The following PARD3 variants were observed in gnomAD, a reference collection of about 807,000 sequenced individuals.
PARD3 encodes the protein par-3 family cell polarity regulator, also known as partitioning defective 3 homolog.
Under a neutral mutation model 155.4 loss-of-function variants are expected in PARD3, and 75 were observed. The ratio of observed to expected loss-of-function variants is 0.48; its 90% CI spans 0.40 to 0.58. PARD3 has a LOEUF of 0.58. Ranked by LOEUF, PARD3 falls within the 20% of genes least tolerant of loss-of-function variation. PARD3 has a pLI of 0.00. For synonymous variants in PARD3, 576 were observed against 610.5 expected, an observed-to-expected ratio of 0.94 and a Z score of 0.83; for missense variants, 1,642 against 1,721.7, an observed-to-expected ratio of 0.95 and a Z score of 0.82.
chr10:34,391,256 G>A (rs1284919498), intron 7 of PARD3, among the ~76,000 whole-genome samples: 1 of 150,780 alleles, frequency 6.6e-6, no homozygotes, highest in Non-Finnish European at 1.5e-5. Flanking sequence ...GTTGGTAAAT[G>A]CTAACTGTCC....
chr10:34,554,979 G>A (rs2084873027), intron 2 of PARD3, among the ~76,000 whole-genome samples: 5 of 152,302 alleles, frequency 3.3e-5, no homozygotes, highest in African/African-American at 1.2e-4. Flanking sequence ...GGGATGGAGG[G>A]ATGAATGCAC....
chr10:34,729,103 T>A (rs1402267930), intron 1 of PARD3, among the ~76,000 whole-genome samples: 3 of 152,174 alleles, frequency 2.0e-5, no homozygotes, highest in Non-Finnish European at 4.4e-5. Context: ...CCTAGGTTTG[T>A]GTAAGTTCAC....
intron 2 of PARD3, among the ~76,000 whole-genome samples, chr10:34,687,773 T>C (rs2093975032): frequency 2.0e-5 from 3 of 150,904 alleles, no homozygotes; most frequent in African/African-American, 7.3e-5. Context: ...TTTCTCCCTG[T>C]TGATCATCCA....
At chr10:34,682,366 A>G (rs1449690714) in intron 2 of PARD3, among the ~76,000 whole-genome samples, 1 of 149,070 alleles carries the variant, frequency 6.7e-6, no homozygotes, top group African/African-American at 2.6e-5. Context: ...TTGCCTTAAT[A>G]ATGTATTGAG....
At chr10:34,627,440 GATTA>G (rs918288073) in intron 2 of PARD3, among the ~76,000 whole-genome samples, 12 of 152,240 alleles carry the variant, frequency 7.9e-5, no homozygotes, top group South Asian at 4.1e-4. Flanking sequence ...ATCTTTATTG[GATTA>G]ATTAAGTTAA....
chr10:34,542,768 T>C (rs1050020222), intron 2 of PARD3, among the ~76,000 whole-genome samples: 13 of 152,166 alleles, frequency 8.5e-5, no homozygotes, highest in Admixed American at 7.9e-4. Context: ...AAAAAAAGCA[T>C]AAAGCATTGT....
intron 5 of PARD3, among the ~76,000 whole-genome samples, chr10:34,419,856 C>A (rs1365482630): frequency 6.6e-6 from 1 of 152,154 alleles, no homozygotes; most frequent in African/African-American, 2.4e-5. Context: ...TTAAAACATA[C>A]AAATTACGTA....
intron 13 of PARD3, 110 bp from the exon 14 acceptor site, chr10:34,359,427 T>C (rs1281781511): frequency 1.3e-6 from 1 of 746,080 alleles, no homozygotes; most frequent in Admixed American, 2.9e-5. Context: ...AAAAAAAAAG[T>C]GGGGAGCTTT....
intron 20 of PARD3, among the ~76,000 whole-genome samples, chr10:34,284,816 T>A (rs1956309579): frequency 6.6e-6 from 1 of 152,196 alleles, no homozygotes; most frequent in Non-Finnish European, 1.5e-5. Context: ...GGTATTCTCA[T>A]CAAATACTCT....
intron 14 of PARD3, among the ~76,000 whole-genome samples, chr10:34,358,546 G>C (rs990505350): frequency 4.6e-5 from 7 of 152,076 alleles, no homozygotes; most frequent in Non-Finnish European, 1.0e-4. Context: ...CCAGACTGTG[G>C]GCCAGGTGCT....
intron 1 of PARD3, among the ~76,000 whole-genome samples, chr10:34,759,880 T>C (rs1333808003): frequency 6.6e-6 from 1 of 152,256 alleles, no homozygotes; most frequent in Admixed American, 6.5e-5. Context: ...CTGCACATAC[T>C]GCTGCGCTTT....
At chr10:34,404,965 G>A (rs1022916959) in intron 5 of PARD3, among the ~76,000 whole-genome samples, 3 of 151,784 alleles carry the variant, frequency 2.0e-5, no homozygotes, top group African/African-American at 4.8e-5. Flanking sequence ...CCAACTACTG[G>A]GAAGGCTGAA....
intron 2 of PARD3, among the ~76,000 whole-genome samples, chr10:34,649,720 A>G (rs2133039720): frequency 6.6e-6 from 1 of 152,362 alleles, no homozygotes; most frequent in Non-Finnish European, 1.5e-5. Context: ...TCTTTCTTCC[A>G]CAATAAATTA....
chr10:34,669,826 G>C (rs540679182), intron 2 of PARD3, among the ~76,000 whole-genome samples: 1 of 152,092 alleles, frequency 6.6e-6, no homozygotes, highest in South Asian at 2.1e-4. Context: ...CTCTAACATA[G>C]GTACAAAAAC....
intron 1 of PARD3, among the ~76,000 whole-genome samples, chr10:34,779,332 G>C (rs1007089982): frequency 1.3e-5 from 2 of 149,488 alleles, no homozygotes; most frequent in South Asian, 2.1e-4. Context: ...TAAAGCAGCC[G>C]GGCGCGGTGG....
At chr10:34,797,223 T>C (rs1842364461) in intron 1 of PARD3, among the ~76,000 whole-genome samples, 1 of 152,186 alleles carries the variant, frequency 6.6e-6, no homozygotes, top group African/African-American at 2.4e-5. Context: ...CAACCATAAC[T>C]GACTGCATCC....
Position 34,730,642 on chromosome 10 carries a change from A to T in PARD3, c.121-34223T>A, listed in dbSNP as rs530169663. ...CTACAAAAAAATTTAAAAATTAGCCATGTGTGATGATGCATGCCTGTAGTC... is the reference window on the plus strand; with the variant it reads ...CTACAAAAAAATTTAAAAATTAGCCTTGTGTGATGATGCATGCCTGTAGTC... On this transcript the variant is annotated intron_variant, in intron 1 of 24. Transcript: ENST00000374788. Among the ~76,000 whole-genome samples, 65 of 152,232 alleles carry T rather than the reference A, an allele frequency of 4.3e-4. 1 individual carries two copies. The highest frequency in any genetic ancestry group is 6.8e-4 in the Non-Finnish European group (46 of 68,014).
At chr10:34,343,385 T>C (rs889782193) in intron 15 of PARD3, 5 of 983,602 alleles carry the variant, frequency 5.1e-6, no homozygotes, top group Middle Eastern at 5.2e-4. Context: ...AAGGGGCATA[T>C]GATTTTTTTT....
chr10:34,757,590 A>C (rs1343515707), intron 1 of PARD3, among the ~76,000 whole-genome samples: 1 of 152,176 alleles, frequency 6.6e-6, no homozygotes, highest in Non-Finnish European at 1.5e-5. Context: ...TCACGCCTAT[A>C]AACCCAGCTA....
Sources: allele counts gnomAD v4.1 joint callset (sites outside exome capture counted in the v4.1 genomes callset), GRCh38; gene constraint gnomAD v4.1.1; transcripts MANE v1.5; gene names NCBI Gene and HGNC (gene_info 2026-07-23, HGNC 2026-07-21).